LATS2: variants seen among roughly 807,000 people sequenced by gnomAD.
The protein encoded by LATS2 is serine/threonine-protein kinase LATS2.
LATS2 carries 24 observed loss-of-function variants against 76.0 expected under a neutral mutation model. The ratio of observed to expected loss-of-function variants is 0.32; its 90% confidence interval spans 0.23 to 0.44. LATS2 has a LOEUF of 0.44. Ranked by LOEUF, LATS2 falls within the 20% of genes least tolerant of loss-of-function variation. The probability of loss-of-function intolerance (pLI) is 1.00; values close to 1 mark genes in which losing one functional copy is unlikely to be tolerated. For missense variants in LATS2, 1,286 were observed against 1,481.2 expected (o/e 0.87, Z 2.16); for synonymous variants, 692 against 635.4 (o/e 1.09, Z -1.34).
At chr13:21,004,462 G>A (rs144404651) in intron 2 of LATS2, among the ~76,000 whole-genome samples, 1 of 150,768 alleles carries the variant, frequency 6.6e-6, no homozygotes, top group African/African-American at 2.4e-5. Context: ...CTTCTGTAAT[G>A]CAAGGGAGAA....
intron 4 of LATS2, among the ~76,000 whole-genome samples, chr13:20,985,888 C>G (rs1434115463): frequency 2.0e-5 from 3 of 151,468 alleles, no homozygotes; most frequent in African/African-American, 7.3e-5. Context: ...TCTACAAAAA[C>G]ATAAAACTAG....
At chr13:21,028,630 G>A (rs1262428783) in intron 2 of LATS2, among the ~76,000 whole-genome samples, 1 of 152,144 alleles carries the variant, frequency 6.6e-6, no homozygotes, top group Non-Finnish European at 1.5e-5. Flanking sequence ...GAGTGCAGTA[G>A]CGCGATCTTG....
intron 2 of LATS2, among the ~76,000 whole-genome samples, chr13:21,030,484 C>G (rs1447482963): frequency 2.0e-5 from 3 of 149,978 alleles, no homozygotes; most frequent in Non-Finnish European, 3.0e-5. Context: ...AGCTACTCGG[C>G]AGGCTGAGGC....
intron 2 of LATS2, among the ~76,000 whole-genome samples, chr13:21,037,936 G>A (rs931390691): frequency 1.3e-5 from 2 of 152,172 alleles, no homozygotes; most frequent in African/African-American, 4.8e-5. Flanking sequence ...TTTCCAGAAG[G>A]GAAATGACAG....
rs762102440 is a variant in LATS2 at position 21,045,726 on chromosome 13, G to A, written c.301C>T (p.Arg101Trp). Reference sequence around the variant, plus strand: ...TTCACCAGTTCCTGCAGCATTTGCCGGTTCACTTCTGCAGCTGCAGAGGTG... The same window carrying A: ...TTCACCAGTTCCTGCAGCATTTGCCAGTTCACTTCTGCAGCTGCAGAGGTG... The part of the protein sequence containing the change: ...SGTSAAAEVN[R>W]QMLQELVNAG... Residue 101 changes from arginine (R) to tryptophan (W), a missense_variant, in exon 2 of 8, where the codon CGG becomes TGG. Physicochemically the swap from Arg to Trp is moderately radical, Grantham distance 101. Transcript: ENST00000382592. 2 of 1,614,130 alleles carry A rather than the reference G, an allele frequency of 1.2e-6. No individual in the cohort carries two copies. The highest frequency in any genetic ancestry group is 8.5e-7 in the Non-Finnish European group (1 of 1,180,032).
intron 1 of LATS2, among the ~76,000 whole-genome samples, chr13:21,056,829 T>G (rs1042138455): frequency 6.6e-5 from 10 of 152,222 alleles, no homozygotes; most frequent in African/African-American, 2.2e-4. Context: ...GAGAAAGGGA[T>G]GTTTCACCAA....
intron 1 of LATS2, among the ~76,000 whole-genome samples, chr13:21,056,137 C>CT (rs919900498): frequency 9.9e-5 from 15 of 151,062 alleles, no homozygotes; most frequent in African/African-American, 2.9e-4. Context: ...AGAATTGGGT[C>CT]TTTTTTTTTG....
chr13:21,053,843 C>T (rs573322279), intron 1 of LATS2, among the ~76,000 whole-genome samples: 1 of 152,184 alleles, frequency 6.6e-6, no homozygotes, highest in South Asian at 2.1e-4. Flanking sequence ...TGTATGATTC[C>T]AGTTATGTGA....
At chr13:21,028,234 C>A (rs1242832850) in intron 2 of LATS2, among the ~76,000 whole-genome samples, 2 of 152,150 alleles carry the variant, frequency 1.3e-5, no homozygotes, top group Non-Finnish European at 2.9e-5. Flanking sequence ...CCAATTTCAT[C>A]CATGTCCTTA....
At chr13:21,031,417 A>C (rs1872526237) in intron 2 of LATS2, among the ~76,000 whole-genome samples, 1 of 152,094 alleles carries the variant, frequency 6.6e-6, no homozygotes, top group African/African-American at 2.4e-5. Context: ...ATTTCTACTA[A>C]TTTATATTTC....
intron 5 of LATS2, 80 bp from the exon 6 acceptor site, chr13:20,981,728 C>A: frequency 8.1e-7 from 1 of 1,234,980 alleles, no homozygotes; most frequent in Non-Finnish European, 1.1e-6. Flanking sequence ...CTCAACAGAT[C>A]CACAGCTTAA....
Position 20,988,654 on chromosome 13 carries a change from C to T in LATS2, c.1126G>A (p.Ala376Thr), listed in dbSNP as rs1300759186. The T allele has an allele frequency of 1.3e-6, 2 of 1,579,502 alleles. No individual in the cohort carries two copies. Among genetic ancestry groups the T allele is most frequent in the Admixed American group, 3.5e-5 (2 of 56,588 alleles). ...GGCTTCTGCAGGGAGTCCCGGCGGG[C>T]CAGGGTGGCAGCCGGCCACTGCTGG... ...SVQQWPAATL[A>T]RRDSLQKPGL... Residue 376 changes from alanine to threonine, a missense_variant, in exon 4 of 8, where the codon GCC becomes ACC. By Grantham distance (58) the Ala-to-Thr change is moderately conservative (BLOSUM62 0). Transcript: ENST00000382592.
At chr13:21,050,523 G>A (rs564497921) in intron 1 of LATS2, among the ~76,000 whole-genome samples, 13 of 152,310 alleles carry the variant, frequency 8.5e-5, no homozygotes, top group African/African-American at 2.4e-4. Flanking sequence ...ATTCATACAC[G>A]TAGTATATAT....
chr13:21,008,318 C>T (rs1485152101), intron 2 of LATS2, among the ~76,000 whole-genome samples: 1 of 152,030 alleles, frequency 6.6e-6, no homozygotes, highest in Non-Finnish European at 1.5e-5. Flanking sequence ...CTGCTCCAGA[C>T]TACAGCCTTG....
At position 21,061,526 on chromosome 13, in the gene LATS2, C is replaced by G. The variant is rs1311073128; in HGVS notation, c.-385G>C. 1 of 152,926 alleles carries G rather than the reference C, an allele frequency of 6.5e-6. No homozygotes were observed. Among genetic ancestry groups the G allele is most frequent in the African/African-American group, 2.4e-5 (1 of 41,472 alleles). 9.5% of individuals were successfully genotyped at this position (152,926 alleles called of 1,614,324 possible). A position where few individuals can be genotyped will look rare whatever the true frequency, so the allele number is the denominator to read the frequency against. ...CCATCTTCCCGGGGCGCTCACGCCG[C>G]GGTTCCAAAGCGCAGACCCAAGTGG... is the stretch of plus-strand genomic sequence containing the variant. On this transcript the variant is annotated 5_prime_UTR_variant, in exon 1 of 8. Coordinates refer to ENST00000382592, the MANE Select transcript of LATS2 (RefSeq NM_014572.3).
In LATS2 at chr13:20,991,035, A is replaced by G. The variant is rs1444051979; in HGVS notation, c.475+237T>C. Among the ~76,000 whole-genome samples the G allele has an allele frequency of 2.0e-5, 3 of 152,242 alleles. No individual in the cohort carries two copies. Among genetic ancestry groups the G allele is most frequent in the Non-Finnish European group, 2.9e-5 (2 of 68,032 alleles). On this transcript the variant is annotated intron_variant, in intron 3 of 7. Transcript: ENST00000382592. The surrounding 1 kb of genome is among the most constrained non-coding windows in gnomAD (Gnocchi z 4.9). ...AGGAAGTACTAAGGTAATTTCAGAC[A>G]AGGCTGGATGGGGCAAGCGCCAGGC...
intron 4 of LATS2, among the ~76,000 whole-genome samples, chr13:20,984,441 G>GGAA (rs1349780950): frequency 6.6e-6 from 1 of 152,114 alleles, no homozygotes; most frequent in Non-Finnish European, 1.5e-5. Flanking sequence ...TGGGAAAGCA[G>GGAA]GAAGAAAAGT....
Position 21,003,444 on chromosome 13 carries a change from C to CT in LATS2, c.343-12041dup, listed in dbSNP as rs60233146. ...TTTTTGTCTGTCTTTCTTTTTTTTC[C>CT]TTTTTTTTTTTTTAAAGACAGAGTC... On this transcript the variant is annotated intron_variant, in intron 2 of 7. Transcript: ENST00000382592. Among the ~76,000 whole-genome samples the CT allele has an allele frequency of 3.5e-3, 502 of 142,602 alleles. 3 individuals are homozygous for CT. Among genetic ancestry groups the CT allele is most frequent in the Admixed American group, 7.7e-3 (109 of 14,104 alleles). 93.6% of individuals were successfully genotyped at this position (142,602 alleles called of 152,430 possible). A position where few individuals can be genotyped will look rare whatever the true frequency, so the allele number is the denominator to read the frequency against.
intron 2 of LATS2, among the ~76,000 whole-genome samples, chr13:20,994,173 C>T (rs1870638678): frequency 6.6e-6 from 1 of 152,170 alleles, no homozygotes; most frequent in South Asian, 2.1e-4. Context: ...AAGGAGACCA[C>T]AAGTGAAGAC....
Sources: allele counts gnomAD v4.1 joint callset (sites outside exome capture counted in the v4.1 genomes callset), GRCh38; gene constraint gnomAD v4.1.1; non-coding constraint Gnocchi (gnomAD v3.1); transcripts MANE v1.5; gene names NCBI Gene and HGNC (gene_info 2026-07-23, HGNC 2026-07-21).